WNT9B: variants seen among roughly 807,000 people sequenced by gnomAD.
The protein encoded by WNT9B is protein Wnt-9b.
In WNT9B, 12 loss-of-function variants were observed where a neutral mutation model predicts 30.2. The ratio of observed to expected loss-of-function variants is 0.40; its 90% CI spans 0.26 to 0.64. WNT9B has a LOEUF of 0.64. Among genes scored for constraint, WNT9B ranks in the 30% least tolerant of loss-of-function variants. The pLI is 0.42. For missense variants in WNT9B, 442 were observed against 485.2 expected (o/e 0.91, Z 0.84); for synonymous variants, 218 against 216.9 (o/e 1.01, Z -0.05).
intron 1 of WNT9B, among the ~76,000 whole-genome samples, chr17:46,867,641 A>G (rs1347761987): frequency 6.6e-6 from 1 of 152,204 alleles, no homozygotes; most frequent in Non-Finnish European, 1.5e-5. Flanking sequence ...TGGGAGAGCC[A>G]TCTTCTGCTT....
intron 1 of WNT9B, among the ~76,000 whole-genome samples, chr17:46,837,791 G>A (rs889582307): frequency 6.6e-6 from 1 of 152,202 alleles, no homozygotes; most frequent in African/African-American, 2.4e-5. Flanking sequence ...TGCCTTCAGG[G>A]CTGATATGCA....
At chr17:46,859,934 C>G (rs1343445939) in intron 1 of WNT9B, among the ~76,000 whole-genome samples, 2 of 152,108 alleles carry the variant, frequency 1.3e-5, no homozygotes, top group South Asian at 4.1e-4. Flanking sequence ...CCAATGTGCT[C>G]TATGTATTTA....
At position 46,878,702 on chromosome 17, in the gene WNT9B, T is replaced by G. The variant is rs937956230; in HGVS notation, c.*1984T>G. Among the ~76,000 whole-genome samples, 2 of 152,132 alleles carry G rather than the reference T, an allele frequency of 1.3e-5. No homozygotes were observed. The highest frequency in any genetic ancestry group is 2.9e-5 in the Non-Finnish European group (2 of 68,024). ...GGGCGTAAGGCAGCAGGGACCTCACTGGCAGAGCAGGGGGCCTGGGAGCAA... is the reference window on the plus strand; with the variant it reads ...GGGCGTAAGGCAGCAGGGACCTCACGGGCAGAGCAGGGGGCCTGGGAGCAA... On this transcript the variant is annotated 3_prime_UTR_variant, in exon 4 of 4. Transcript: ENST00000290015.
chr17:46,872,736 C>T lies in WNT9B; in HGVS notation c.297C>T (p.Asn99=). The T allele has an allele frequency of 1.9e-6, 3 of 1,560,532 alleles. No homozygotes were observed. Among genetic ancestry groups the T allele is most frequent in the Non-Finnish European group, 2.6e-6 (3 of 1,148,078 alleles). ...TTCAGTTCCGGCATGAGCGCTGGAACTGTAGCCTGGAGGGCAGGATGGGCC... is the reference window on the plus strand; with the variant it reads ...TTCAGTTCCGGCATGAGCGCTGGAATTGTAGCCTGGAGGGCAGGATGGGCC... ...CQFQFRHERW[N]CSLEGRMGLL... The change falls in exon 2 of 4, where the codon AAC becomes AAT. Residue 99 remains asparagine, a synonymous_variant. Transcript: ENST00000290015.
At chr17:46,834,994 C>T (rs1568111156) in intron 1 of WNT9B, among the ~76,000 whole-genome samples, 1 of 144,994 alleles carries the variant, frequency 6.9e-6, no homozygotes, top group Non-Finnish European at 1.5e-5. Context: ...CCTTCTCCTT[C>T]TCCTTCTTCT....
downstream of WNT9B, among the ~76,000 whole-genome samples, chr17:46,883,863 C>A (rs1381049068): frequency 6.6e-6 from 1 of 152,202 alleles, no homozygotes; most frequent in Non-Finnish European, 1.5e-5. Flanking sequence ...GCCTCTCACG[C>A]GTCTTATCCC....
chr17:46,836,095 CGT>C (rs59862934), intron 1 of WNT9B, among the ~76,000 whole-genome samples: 5,162 of 126,322 alleles, frequency 0.041, 146 homozygotes, highest in African/African-American at 0.095. Context: ...GAGACGCTGA[CGT>C]GTGTGTGTGT....
chr17:46,871,223 C>T (rs2085238720), intron 1 of WNT9B, among the ~76,000 whole-genome samples: 1 of 152,130 alleles, frequency 6.6e-6, no homozygotes, highest in Non-Finnish European at 1.5e-5. Context: ...TGATCTTTTA[C>T]CCTGGCTATG....
At chr17:46,857,425 A>G (rs1273370329) in intron 1 of WNT9B, among the ~76,000 whole-genome samples, 1 of 150,626 alleles carries the variant, frequency 6.6e-6, no homozygotes, top group Non-Finnish European at 1.5e-5. Context: ...CAGTGAGCCA[A>G]GACTGTGCCA....
rs576475144 is a variant in WNT9B, at chr17:46,862,501, G to T, written c.78-10016G>T. On this transcript the variant is annotated intron_variant, in intron 1 of 3. Transcript: ENST00000290015. Reference sequence around the variant, plus strand: ...TCTGAGTTTCCTGGAATTTGGAATTGTGGATAAGGGTTTGTGAATCTGTGG... The same window carrying T: ...TCTGAGTTTCCTGGAATTTGGAATTTTGGATAAGGGTTTGTGAATCTGTGG... 2.0e-4 allele frequency among the ~76,000 whole-genome samples: 31 copies of T among 152,334 alleles called. 1 individual carries two copies. In the South Asian group the frequency reaches 6.4e-3, roughly 32 times the overall value.
At chr17:46,865,188 T>C (rs2085111460) in intron 1 of WNT9B, among the ~76,000 whole-genome samples, 1 of 152,322 alleles carries the variant, frequency 6.6e-6, no homozygotes, top group Admixed American at 6.5e-5. Context: ...AAGCATTTCC[T>C]TCACAGATGT....
At chr17:46,834,157 T>A (rs2084593550) in intron 1 of WNT9B, among the ~76,000 whole-genome samples, 1 of 152,178 alleles carries the variant, frequency 6.6e-6, no homozygotes, top group Non-Finnish European at 1.5e-5. Flanking sequence ...ATGGCACCAC[T>A]ACACTCCAGC....
chr17:46,840,564 A>G (rs550462073), intron 1 of WNT9B, among the ~76,000 whole-genome samples: 9 of 152,358 alleles, frequency 5.9e-5, no homozygotes, highest in Non-Finnish European at 8.8e-5. Context: ...TGCTAGTTCT[A>G]GATCCTTGAG....
intron 1 of WNT9B, among the ~76,000 whole-genome samples, chr17:46,845,740 G>A (rs1481230969): frequency 1.3e-5 from 2 of 149,016 alleles, no homozygotes; most frequent in African/African-American, 2.5e-5. Flanking sequence ...CAACCACCTC[G>A]GCCTCCCAAA....
At chr17:46,833,249 C>T (rs753546406) in exon 1 of WNT9B, 39 of 440,120 alleles carry the variant, frequency 8.9e-5, no homozygotes, top group East Asian at 6.8e-4. Flanking sequence ...TGAGCCCTGA[C>T]GCTTCAGCTG....
intron 1 of WNT9B, among the ~76,000 whole-genome samples, chr17:46,869,399 C>G (rs1598858106): frequency 1.3e-5 from 2 of 152,314 alleles, no homozygotes; most frequent in Admixed American, 1.3e-4. Context: ...GGGTCTCTTC[C>G]CCTGGGCATC....
At chr17:46,884,015 T>C (rs1194272420), downstream of WNT9B, among the ~76,000 whole-genome samples, 1 of 152,126 alleles carries the variant, frequency 6.6e-6, no homozygotes, top group Admixed American at 6.5e-5. Context: ...CCTCCCGCCA[T>C]GGAGAGTGGG....
chr17:46,843,903 G>C (rs1568115428), intron 1 of WNT9B, among the ~76,000 whole-genome samples: 1 of 152,210 alleles, frequency 6.6e-6, no homozygotes, highest in Non-Finnish European at 1.5e-5. Context: ...TTTAGCACCA[G>C]ATGCTTATTC....
chr17:46,875,398 T>C (rs758375306), intron 3 of WNT9B, 32 bp downstream of exon 3: 2 of 1,559,148 alleles, frequency 1.3e-6, no homozygotes, highest in Admixed American at 1.8e-5. Flanking sequence ...CGCAGTGCCT[T>C]CCCACCAGGG....
Sources: allele counts gnomAD v4.1 joint callset (sites outside exome capture counted in the v4.1 genomes callset), GRCh38; gene constraint gnomAD v4.1.1; transcripts MANE v1.5; gene names NCBI Gene and HGNC (gene_info 2026-07-23, HGNC 2026-07-21).